Variants in KCTD16 observed in about 807,000 individuals in gnomAD.
The protein encoded by KCTD16 is BTB/POZ domain-containing protein KCTD16.
KCTD16 carries 13 observed loss-of-function variants against 33.2 expected under a neutral mutation model. The ratio of observed to expected loss-of-function variants is 0.39; its 90% CI spans 0.25 to 0.62. The LOEUF is 0.62. Among genes scored for constraint, KCTD16 ranks in the 20% least tolerant of loss-of-function variants. The pLI is 0.50. For missense variants in KCTD16, 441 were observed against 525.1 expected (o/e 0.84, Z 1.57); for synonymous variants, 197 against 195.3 (o/e 1.01, Z -0.07).
intron 3 of KCTD16, among the ~76,000 whole-genome samples, chr5:144,402,472 G>A (rs376928337): frequency 6.6e-6 from 1 of 152,158 alleles, no homozygotes; most frequent in African/African-American, 2.4e-5. Context: ...GTACAGCTTA[G>A]TGATAAGGAA....
In KCTD16 at chr5:144,402,195, A is replaced by G. The variant is rs540408294; in HGVS notation, c.833-71465A>G. Among the ~76,000 whole-genome samples, 52 of 152,194 alleles carry G rather than the reference A, an allele frequency of 3.4e-4. 1 individual carries two copies. Among genetic ancestry groups the G allele is most frequent in the Admixed American group, 8.5e-4 (13 of 15,270 alleles). On this transcript the variant is annotated intron_variant, in intron 3 of 3. Transcript: ENST00000512467. ...CAAGGCTGTTACTCTTCTTCTGCCA[A>G]CTGGATACTGGCACCATTAACTGTT... is the stretch of plus-strand genomic sequence containing the variant.
intron 3 of KCTD16, among the ~76,000 whole-genome samples, chr5:144,462,715 A>T (rs1754228851): frequency 6.6e-6 from 1 of 152,168 alleles, no homozygotes; most frequent in Admixed American, 6.5e-5. Context: ...TCTGGCTTCC[A>T]ATGGTTTCCA....
chr5:144,417,622 ATTTATT>A lies in KCTD16; in HGVS notation c.833-56029_833-56024del, dbSNP rs559252378. The stretch of plus-strand genomic sequence containing the variant: ...ATTTTTAAATTTTTGATGAGATACA[ATTTATT>A]TTTATTTTGTTTTTGTTTTTGCTTT... On this transcript the variant is annotated intron_variant, in intron 3 of 3. Coordinates refer to ENST00000512467, the MANE Select transcript of KCTD16 (RefSeq NM_020768.4). Among the ~76,000 whole-genome samples, 320 of 152,176 alleles carry A rather than the reference ATTTATT, an allele frequency of 2.1e-3. 1 individual carries two copies. The highest frequency in any genetic ancestry group is 3.7e-3 in the Non-Finnish European group (254 of 68,018).
At chr5:144,282,939 T>G (rs981246355) in intron 3 of KCTD16, among the ~76,000 whole-genome samples, 1 of 152,120 alleles carries the variant, frequency 6.6e-6, no homozygotes, top group Non-Finnish European at 1.5e-5. Flanking sequence ...CCAAGGAGAA[T>G]AAAAAGAAAA....
chr5:144,354,865 G>A (rs973077763), intron 3 of KCTD16, among the ~76,000 whole-genome samples: 19 of 152,154 alleles, frequency 1.2e-4, no homozygotes, highest in African/African-American at 4.6e-4. Flanking sequence ...TTTTCATTTA[G>A]AGTGTCATGT....
chr5:144,172,894 A>G (rs991881896), intron 1 of KCTD16, among the ~76,000 whole-genome samples: 21 of 152,044 alleles, frequency 1.4e-4, no homozygotes, highest in Non-Finnish European at 1.5e-4. Flanking sequence ...TTTTTTTCTG[A>G]TGTTTCTATT....
At chr5:144,180,975 C>G (rs1237847767) in intron 2 of KCTD16, among the ~76,000 whole-genome samples, 1 of 151,888 alleles carries the variant, frequency 6.6e-6, no homozygotes, top group Admixed American at 6.6e-5. Context: ...CTCTGTCGCC[C>G]AGGCTGGAGT....
chr5:144,391,392 T>C (rs1443221498), intron 3 of KCTD16, among the ~76,000 whole-genome samples: 1 of 152,244 alleles, frequency 6.6e-6, no homozygotes, highest in Non-Finnish European at 1.5e-5. Flanking sequence ...GATTCTGAAA[T>C]GAATAGTGAG....
At chr5:144,250,027 G>A (rs775084948) in intron 3 of KCTD16, among the ~76,000 whole-genome samples, 20 of 152,152 alleles carry the variant, frequency 1.3e-4, no homozygotes, top group Non-Finnish European at 2.4e-4. Flanking sequence ...CTTCTGACTG[G>A]TATATTTAAA....
intron 3 of KCTD16, among the ~76,000 whole-genome samples, chr5:144,219,300 A>G (rs1580797338): frequency 6.6e-6 from 1 of 151,710 alleles, no homozygotes; most frequent in Non-Finnish European, 1.5e-5. Flanking sequence ...AGCAACCTCC[A>G]TTTCCTGGGT....
chr5:144,280,806 A>G (rs1755581340), intron 3 of KCTD16, among the ~76,000 whole-genome samples: 1 of 152,052 alleles, frequency 6.6e-6, no homozygotes, highest in South Asian at 2.1e-4. Context: ...GGGAGCCTGT[A>G]GTCCCAGCTA....
intron 3 of KCTD16, among the ~76,000 whole-genome samples, chr5:144,374,361 T>TGATGA (rs112286518): frequency 0.12 from 17,785 of 152,022 alleles, 2,653 homozygotes; most frequent in African/African-American, 0.35. Flanking sequence ...GAAGTAGAGA[T>TGATGA]GATAACCTCG....
chr5:144,323,396 A>G (rs1405648405), intron 3 of KCTD16, among the ~76,000 whole-genome samples: 1 of 152,168 alleles, frequency 6.6e-6, no homozygotes, highest in Admixed American at 6.6e-5. Context: ...CCCATGAGAG[A>G]CAATTGGTAG....
chr5:144,454,953 G>T (rs983674945), intron 3 of KCTD16, among the ~76,000 whole-genome samples: 19 of 152,208 alleles, frequency 1.2e-4, no homozygotes, highest in African/African-American at 4.3e-4. Flanking sequence ...GGGCACTAAG[G>T]CTACAGTAGC....
At chr5:144,253,731 C>T (rs4912665) in intron 3 of KCTD16, among the ~76,000 whole-genome samples, 5 of 151,830 alleles carry the variant, frequency 3.3e-5, no homozygotes, top group Non-Finnish European at 5.9e-5. Context: ...TTTTTCCTCT[C>T]CTGAAGTGTG....
intron 3 of KCTD16, among the ~76,000 whole-genome samples, chr5:144,411,424 A>G (rs1361834968): frequency 6.6e-6 from 1 of 152,194 alleles, no homozygotes; most frequent in Non-Finnish European, 1.5e-5. Flanking sequence ...TCAAGAACAT[A>G]TGATAGAGAA....
intron 3 of KCTD16, among the ~76,000 whole-genome samples, chr5:144,259,675 G>T (rs566864600): frequency 4.7e-4 from 71 of 152,312 alleles, no homozygotes; most frequent in African/African-American, 1.6e-3. Flanking sequence ...CTCAGTGGAT[G>T]CTCAGGAAAT....
At chr5:144,178,828 C>A (rs895910757) in intron 2 of KCTD16, among the ~76,000 whole-genome samples, 12 of 151,974 alleles carry the variant, frequency 7.9e-5, no homozygotes, top group Non-Finnish European at 1.5e-4. Context: ...ACACTACATC[C>A]CCTTCCCACT....
intron 3 of KCTD16, among the ~76,000 whole-genome samples, chr5:144,329,889 A>C (rs1752308239): frequency 6.6e-6 from 1 of 152,172 alleles, no homozygotes; most frequent in South Asian, 2.1e-4. Context: ...GTGTAGAGGC[A>C]TTGAGTCATG....
Sources: gnomAD v4.1 joint callset for allele counts (sites outside exome capture counted in the v4.1 genomes callset) on GRCh38, gnomAD v4.1.1 for gene constraint, MANE v1.5 for transcripts, NCBI Gene and HGNC (gene_info 2026-07-23, HGNC 2026-07-21) for gene names.